The following INSR variants were observed in gnomAD, a reference collection of about 807,000 sequenced individuals.
INSR encodes insulin receptor, also known as IR.
A neutral mutation model predicts 142.6 loss-of-function variants in INSR; 67 were observed. That is an observed-to-expected ratio of 0.47 (90% CI 0.39 to 0.58). The LOEUF is 0.58. Among genes scored for constraint, INSR ranks in the 20% least tolerant of loss-of-function variants. The probability of loss-of-function intolerance (pLI) is 0.00; values close to 1 mark genes in which losing one functional copy is unlikely to be tolerated. For synonymous variants in INSR, 756 were observed against 743.1 expected (o/e 1.02, Z -0.28); for missense variants, 1,248 against 1,833.2 (o/e 0.68, Z 5.83).
At chr19:7,218,865 A>T (rs915885740) in intron 2 of INSR, among the ~76,000 whole-genome samples, 10 of 152,212 alleles carry the variant, frequency 6.6e-5, no homozygotes, top group African/African-American at 2.4e-4. Flanking sequence ...TTGAGCAAAG[A>T]TAATCTGAGG....
intron 9 of INSR, among the ~76,000 whole-genome samples, chr19:7,158,698 G>A (rs75762920): frequency 1.3e-5 from 2 of 152,126 alleles, no homozygotes; most frequent in African/African-American, 4.8e-5. Context: ...GCACAACCAC[G>A]GCAATGCACT....
At chr19:7,218,072 G>A (rs1257382398) in intron 2 of INSR, among the ~76,000 whole-genome samples, 4 of 151,990 alleles carry the variant, frequency 2.6e-5, no homozygotes, top group East Asian at 3.8e-4. Flanking sequence ...GCCTTGTGGC[G>A]GGGGAAGAGA....
intron 2 of INSR, among the ~76,000 whole-genome samples, chr19:7,250,943 A>G (rs1976708887): frequency 6.6e-6 from 1 of 151,398 alleles, no homozygotes; most frequent in Non-Finnish European, 1.5e-5. Context: ...CAAGCCAGAA[A>G]GCCCAGCTCT....
At chr19:7,197,932 TGTGTGTGTGTGTGTGTCCCCATGGTGGGA>T (rs1255203631) in intron 2 of INSR, among the ~76,000 whole-genome samples, 4,764 of 146,740 alleles carry the variant, frequency 0.032, 285 homozygotes, top group African/African-American at 0.12. Context: ...TGTGTGTGTG[TGTGTGTGTGTGTGTGTCCCCATGGTGGGA>T]GTGTGTGTGT....
intron 9 of INSR, among the ~76,000 whole-genome samples, chr19:7,157,278 A>T (rs1273875838): frequency 2.6e-5 from 3 of 115,604 alleles, no homozygotes; most frequent in African/African-American, 1.0e-4. Context: ...TGCGCCTGGC[A>T]TTTTTTTTGT....
intron 2 of INSR, among the ~76,000 whole-genome samples, chr19:7,207,938 A>AAGGAAGGAAGGAAGGAAGGAAGGAAGGG (rs1600018281): frequency 1.6e-5 from 2 of 123,824 alleles, no homozygotes; most frequent in East Asian, 2.7e-4. Flanking sequence ...GGAAGGAAGG[A>AAGGAAGGAAGGAAGGAAGGAAGGAAGGG]AGGGAAGGAG....
rs143039407 is a variant in INSR at position 7,212,219 on chromosome 19, C to T, written c.653-27582G>A. On this transcript the variant is annotated intron_variant, in intron 2 of 21. Transcript: ENST00000302850. ...ACCACTTGGTGAGCGAGACTCTTGCCAGAGCCAGAGGGAAATCATCAAAGC... is the reference window on the plus strand; with the variant it reads ...ACCACTTGGTGAGCGAGACTCTTGCTAGAGCCAGAGGGAAATCATCAAAGC... Among the ~76,000 whole-genome samples, 287 of 152,232 alleles carry T rather than the reference C, an allele frequency of 1.9e-3. 4 individuals are homozygous for T. The highest frequency in any genetic ancestry group is 9.8e-3 in the East Asian group (51 of 5,180).
intron 2 of INSR, among the ~76,000 whole-genome samples, chr19:7,224,624 G>A (rs998111970): frequency 2.0e-5 from 3 of 152,206 alleles, no homozygotes; most frequent in East Asian, 3.8e-4. Context: ...TGTCTCTGCC[G>A]GAGGGCGATG....
At chr19:7,201,006 G>T (rs112090923) in intron 2 of INSR, among the ~76,000 whole-genome samples, 11 of 152,174 alleles carry the variant, frequency 7.2e-5, no homozygotes, top group African/African-American at 2.6e-4. Flanking sequence ...TGTTTGTTGG[G>T]GGCATTTTGG....
chr19:7,141,307 G>A (rs879401748), intron 13 of INSR, among the ~76,000 whole-genome samples: 10 of 152,124 alleles, frequency 6.6e-5, no homozygotes, highest in African/African-American at 1.2e-4. Flanking sequence ...TGCCTGCCTC[G>A]GCCTCCCAAA....
rs987101158 is a variant in INSR, at chr19:7,125,863, A to G, written c.3014-336T>C. 2.0e-5 allele frequency among the ~76,000 whole-genome samples: 3 copies of G among 152,192 alleles called. No homozygotes were observed. Among genetic ancestry groups the G allele is most frequent in the African/African-American group, 7.2e-5 (3 of 41,442 alleles). ...TCCCACCTGAGACTACTGTTTCTGC[A>G]AAGTGCCAAGGGGATGGAAGACAGG... On this transcript the variant is annotated intron_variant, in intron 16 of 21. Coordinates refer to ENST00000302850, the MANE Select transcript of INSR (RefSeq NM_000208.4). This position sits in a 1 kb window ranked among gnomAD's most constrained non-coding sequence, Gnocchi z 4.9.
chr19:7,193,253 G>A (rs892679384), intron 2 of INSR, among the ~76,000 whole-genome samples: 6 of 151,814 alleles, frequency 4.0e-5, no homozygotes, highest in African/African-American at 1.5e-4. Flanking sequence ...AATCCCAGCA[G>A]GCTAAGGAGG....
At chr19:7,191,583 G>A (rs78583770) in intron 2 of INSR, among the ~76,000 whole-genome samples, 2,319 of 152,234 alleles carry the variant, frequency 0.015, 61 homozygotes, top group African/African-American at 0.053. Flanking sequence ...CACTTTGGGA[G>A]GCTAACACGG....
At chr19:7,207,061 T>TA (rs144132655) in intron 2 of INSR, among the ~76,000 whole-genome samples, 81 of 152,276 alleles carry the variant, frequency 5.3e-4, no homozygotes, top group African/African-American at 1.9e-3. Context: ...CCTGTGATTA[T>TA]AGAATGCCGA....
At chr19:7,253,546 G>A (rs1008701548) in intron 2 of INSR, among the ~76,000 whole-genome samples, 2 of 152,018 alleles carry the variant, frequency 1.3e-5, no homozygotes, top group African/African-American at 2.4e-5. Context: ...GTGCAAATTT[G>A]ATGATCATGC....
rs750943799 is a variant in INSR at position 7,152,911 on chromosome 19, C to T, written c.2046G>A (p.Ser682=). The T allele has an allele frequency of 8.1e-6, 13 of 1,611,810 alleles. No individual in the cohort carries two copies. Among genetic ancestry groups the T allele is most frequent in the South Asian group, 1.1e-5 (1 of 90,986 alleles). ...DYCLKGLKLP[S]RTWSPPFESE... is the part of the protein sequence containing the mutation. The stretch of plus-strand genomic sequence containing the variant: ...ACTCGAATGGTGGAGACCAGGTCCT[C>T]GAGGGCAGCTTCAGCCCTGGAGAAA... Residue 682 remains serine (S), a synonymous_variant, in exon 10 of 22, where the codon TCG becomes TCA. Transcript: ENST00000302850.
At chr19:7,157,053 T>C (rs1296084718) in intron 9 of INSR, among the ~76,000 whole-genome samples, 1 of 152,206 alleles carries the variant, frequency 6.6e-6, no homozygotes, top group Non-Finnish European at 1.5e-5. Context: ...CTATCTCGGC[T>C]CACTGCAAGC....
chr19:7,143,236 C>T, intron 11 of INSR, 146 bp from the exon 12 acceptor site: 4 of 908,268 alleles, frequency 4.4e-6, no homozygotes, highest in Non-Finnish European at 6.9e-6. Flanking sequence ...ACAATACAGA[C>T]TGCCAGGAAT....
At chr19:7,229,915 G>A (rs1295859307) in intron 2 of INSR, among the ~76,000 whole-genome samples, 1 of 151,994 alleles carries the variant, frequency 6.6e-6, no homozygotes, top group African/African-American at 2.4e-5. Context: ...ACAAGTCAGT[G>A]CCACCATGCT....
Sources: gnomAD v4.1 joint callset for allele counts (sites outside exome capture counted in the v4.1 genomes callset) on GRCh38, gnomAD v4.1.1 for gene constraint, Gnocchi (gnomAD v3.1) non-coding constraint, MANE v1.5 for transcripts, NCBI Gene and HGNC (gene_info 2026-07-23, HGNC 2026-07-21) for gene names.